Variants in ZBED4 observed in about 807,000 individuals in gnomAD.
The protein encoded by ZBED4 is zinc finger BED-type containing 4, also known as zinc finger BED domain-containing protein 4.
In ZBED4, 4 loss-of-function variants were observed where a neutral mutation model predicts 15.5. The ratio of observed to expected loss-of-function variants is 0.26; its 90% confidence interval spans 0.13 to 0.59. ZBED4 has a LOEUF of 0.59. Ranked by LOEUF, ZBED4 falls within the 20% of genes least tolerant of loss-of-function variation. The pLI, the probability that ZBED4 is intolerant of heterozygous loss-of-function variation, is 0.90. For synonymous variants in ZBED4, 692 were observed against 608.5 expected, an observed-to-expected ratio of 1.14 and a Z score of -2.02; for missense variants, 1,323 against 1,461.8, an observed-to-expected ratio of 0.91 and a Z score of 1.55.
intron 1 of ZBED4, among the ~76,000 whole-genome samples, chr22:49,873,681 C>T (rs542654554): frequency 1.4e-5 from 2 of 141,416 alleles, no homozygotes; most frequent in East Asian, 1.9e-4. Flanking sequence ...AAGCGAGGTG[C>T]GGTGATATGA....
intron 1 of ZBED4, among the ~76,000 whole-genome samples, chr22:49,854,289 G>A (rs924327775): frequency 1.3e-5 from 2 of 150,682 alleles, no homozygotes; most frequent in African/African-American, 4.9e-5. Flanking sequence ...CCGGGCGGAC[G>A]GGACGGGGCT....
In ZBED4 at chr22:49,886,120, G is replaced by T; in HGVS notation, c.2458G>T (p.Gly820Trp). 1 of 682,568 alleles carries T rather than the reference G, an allele frequency of 1.5e-6. No homozygotes were observed. Among genetic ancestry groups the T allele is most frequent in the Non-Finnish European group, 2.7e-6 (1 of 371,798 alleles). The allele number at this position is 682,568 out of a possible 1,614,324, so 42.3% of individuals were successfully genotyped here. Residue 820 changes from glycine (G) to tryptophan (W), a missense_variant, in exon 2 of 2, where the codon GGG becomes TGG. Coordinates refer to ENST00000216268, the MANE Select transcript of ZBED4 (RefSeq NM_014838.3). The surrounding 1 kb of genome is among the most constrained non-coding windows in gnomAD (Gnocchi z 7.7). ...NASIGKTLNE[G>W]EHSSVQCFSH... The stretch of plus-strand genomic sequence containing the variant: ...CAGCATCGGGAAGACGCTGAACGAG[G>T]GGGAGCACTCGAGCGTGCAGTGCTT...
intron 1 of ZBED4, among the ~76,000 whole-genome samples, chr22:49,857,741 G>A (rs974662023): frequency 6.6e-6 from 1 of 151,868 alleles, no homozygotes; most frequent in Admixed American, 6.6e-5. Flanking sequence ...ACAGGCACCC[G>A]CCACCGCACT....
At chr22:49,854,698 C>A (rs765381067) in intron 1 of ZBED4, among the ~76,000 whole-genome samples, 1 of 152,166 alleles carries the variant, frequency 6.6e-6, no homozygotes, top group Non-Finnish European at 1.5e-5. Flanking sequence ...CTCCCTTCTG[C>A]GCCTTTCTAT....
rs758905088 is a variant in ZBED4, at chr22:49,887,059, A to G, written c.3397A>G (p.Lys1133Glu). 1.2e-6 allele frequency: 2 copies of G among 1,614,164 alleles called. No homozygotes were observed. The highest frequency in any genetic ancestry group is 1.7e-6 in the Non-Finnish European group (2 of 1,180,032). Residue 1133 changes from lysine to glutamate, a missense_variant, in exon 2 of 2, where the codon AAG becomes GAG. Lys to Glu is a moderately conservative substitution (Grantham distance 56, BLOSUM62 1). This residue lies in a region of ZBED4 where 312 missense variants were observed against 410.7 expected (regional missense o/e 0.76). Transcript: ENST00000216268. Reference sequence around the variant, plus strand: ...CCCCCCAAGCATCGTCCCTTCAGAAAAGCTGTTCAACACACCCACTGAGAA... The same window carrying G: ...CCCCCCAAGCATCGTCCCTTCAGAAGAGCTGTTCAACACACCCACTGAGAA... ...GCPPSIVPSE[K>E]LFNTPTENGS...
At chr22:49,861,930 G>C (rs1034110677) in intron 1 of ZBED4, among the ~76,000 whole-genome samples, 1 of 152,280 alleles carries the variant, frequency 6.6e-6, no homozygotes, top group East Asian at 1.9e-4. Flanking sequence ...TGTAATTTTG[G>C]TGAGTGCTTC....
At chr22:49,857,747 G>A (rs1244892504) in intron 1 of ZBED4, among the ~76,000 whole-genome samples, 3 of 151,956 alleles carry the variant, frequency 2.0e-5, no homozygotes, top group African/African-American at 4.8e-5. Flanking sequence ...ACCCGCCACC[G>A]CACTCAGCTA....
At position 49,885,573 on chromosome 22, in the gene ZBED4, C is replaced by T. The variant is rs200730742; in HGVS notation, c.1911C>T (p.Gly637=). The change falls in exon 2 of 2, where the codon GGC becomes GGT. Residue 637 remains glycine (G), a synonymous_variant. Transcript: ENST00000216268. ...TGCCGCGGGGCACAGAATTATCAGG[C>T]GCTTCCTCTTTTGATGACACCAATG... The part of the protein sequence containing the change: ...TRVPRGTELS[G]ASSFDDTNEK... 13 of 1,603,160 alleles carry T rather than the reference C, an allele frequency of 8.1e-6. No homozygotes were observed. The East Asian group carries it at 1.1e-4, about 14-fold the overall frequency.
chr22:49,875,397 C>G (rs1203173694), intron 1 of ZBED4, among the ~76,000 whole-genome samples: 1 of 149,082 alleles, frequency 6.7e-6, no homozygotes, highest in Non-Finnish European at 1.5e-5. Context: ...TCCATTTCAT[C>G]TGAGTTGCAT....
rs748284131 is a variant in ZBED4, at chr22:49,885,396, G to A, written c.1734G>A (p.Val578=). The change falls in exon 2 of 2, where the codon GTG becomes GTA. Residue 578 remains valine, a synonymous_variant. Coordinates refer to ENST00000216268, the MANE Select transcript of ZBED4 (RefSeq NM_014838.3). ...SICSADSTKV[V]CLHCGRTISR... Reference sequence around the variant, plus strand: ...GCTCCGCAGACTCCACAAAAGTCGTGTGCTTGCACTGTGGCCGGACCATCA... The same window carrying A: ...GCTCCGCAGACTCCACAAAAGTCGTATGCTTGCACTGTGGCCGGACCATCA... The A allele has an allele frequency of 3.7e-6, 6 of 1,600,386 alleles. No individual in the cohort carries two copies. In the African/African-American group the frequency reaches 8.1e-5, roughly 22 times the overall value.
intron 1 of ZBED4, among the ~76,000 whole-genome samples, chr22:49,856,157 T>G (rs893012756): frequency 3.9e-5 from 6 of 152,224 alleles, no homozygotes; most frequent in African/African-American, 1.4e-4. Flanking sequence ...GCTTTTGTAG[T>G]TCAAATTCTG....
At chr22:49,880,375 A>G (rs1016120488) in intron 1 of ZBED4, among the ~76,000 whole-genome samples, 2 of 152,220 alleles carry the variant, frequency 1.3e-5, no homozygotes, top group Admixed American at 1.3e-4. Context: ...GAACCTCCGC[A>G]GGTCTGCGTA....
In ZBED4 at chr22:49,883,976, G is replaced by A; in HGVS notation, c.314G>A (p.Ser105Asn). The change falls in exon 2 of 2, where the codon AGC (serine) becomes AAC (asparagine). Residue 105 changes from serine (S) to asparagine (N), a missense_variant. Transcript: ENST00000216268. ...YDVAMEAVTQ[S>N]LLSSRNMSSR... ...GTGGCCATGGAGGCCGTGACCCAGA[G>A]CCTCCTTTCCAGCCGGAACATGAGC... is the stretch of plus-strand genomic sequence containing the variant. 1 of 1,613,484 alleles carries A rather than the reference G, an allele frequency of 6.2e-7. No individual in the cohort carries two copies. The highest frequency in any genetic ancestry group is 8.5e-7 in the Non-Finnish European group (1 of 1,179,828).
Position 49,885,945 on chromosome 22 carries a change from T to C in ZBED4, c.2283T>C (p.Cys761=). 1.3e-6 allele frequency: 1 copy of C among 763,714 alleles called. No homozygotes were observed. The highest frequency in any genetic ancestry group is 2.3e-6 in the Non-Finnish European group (1 of 432,164). The allele number at this position is 763,714 out of a possible 1,614,324, so 47.3% of individuals were successfully genotyped here. The part of the protein sequence containing the change: ...VSFESPARPR[C]DDHHCSALLD... Reference sequence around the variant, plus strand: ...TCGAGTCGCCAGCCCGGCCGCGCTGTGACGACCACCACTGCTCGGCGCTGT... The same window carrying C: ...TCGAGTCGCCAGCCCGGCCGCGCTGCGACGACCACCACTGCTCGGCGCTGT... Residue 761 remains cysteine (C), a synonymous_variant, in exon 2 of 2, where the codon TGT becomes TGC. Transcript: ENST00000216268.
In ZBED4 at chr22:49,883,538, A is replaced by G. The variant is rs2060420165; in HGVS notation, c.-125A>G. The G allele has an allele frequency of 3.0e-6, 4 of 1,317,028 alleles. No individual in the cohort carries two copies. Among genetic ancestry groups the G allele is most frequent in the Non-Finnish European group, 4.0e-6 (4 of 988,402 alleles). 81.6% of individuals were successfully genotyped at this position (1,317,028 alleles called of 1,614,324 possible). On this transcript the variant is annotated 5_prime_UTR_variant, in exon 2 of 2. Transcript: ENST00000216268. ...ACTATTTATGATTAGCCATATTTCT[A>G]GAAACATCCTGAAAGATGGAATTAT... is the stretch of plus-strand genomic sequence containing the variant.
At chr22:49,857,624 C>T (rs2060279915) in intron 1 of ZBED4, among the ~76,000 whole-genome samples, 1 of 152,232 alleles carries the variant, frequency 6.6e-6, no homozygotes, top group South Asian at 2.1e-4. Flanking sequence ...TTTATTCTCA[C>T]TCTGTCACTC....
intron 1 of ZBED4, among the ~76,000 whole-genome samples, chr22:49,864,146 G>C (rs2060309658): frequency 1.3e-5 from 2 of 152,228 alleles, no homozygotes; most frequent in South Asian, 4.1e-4. Flanking sequence ...CTAGGCCTCT[G>C]CTGGAGTGTG....
intron 1 of ZBED4, among the ~76,000 whole-genome samples, chr22:49,872,947 C>T (rs1279033884): frequency 2.0e-5 from 3 of 152,158 alleles, no homozygotes; most frequent in Non-Finnish European, 2.9e-5. Flanking sequence ...CCACCCGCCT[C>T]GGCCTCCCAA....
Position 49,885,834 on chromosome 22 carries a change from G to A in ZBED4, c.2172G>A (p.Glu724=), listed in dbSNP as rs1424219470. The A allele has an allele frequency of 1.3e-6, 2 of 1,539,714 alleles. No individual in the cohort carries two copies. ...QIIMSHLKEA[E]SGVIHFTSGI... is the part of the protein sequence containing the mutation. ...TTATGTCCCACCTTAAGGAAGCTGAGAGTGGTGTGATCCACTTCACGTCTG... is the reference window on the plus strand; with the variant it reads ...TTATGTCCCACCTTAAGGAAGCTGAAAGTGGTGTGATCCACTTCACGTCTG... Residue 724 remains glutamate (E), a synonymous_variant, in exon 2 of 2, where the codon GAG becomes GAA. Coordinates refer to ENST00000216268, the MANE Select transcript of ZBED4 (RefSeq NM_014838.3).
Sources: allele counts gnomAD v4.1 joint callset (sites outside exome capture counted in the v4.1 genomes callset), GRCh38; gene constraint gnomAD v4.1.1; regional missense constraint gnomAD v4.1.1; non-coding constraint Gnocchi (gnomAD v3.1); transcripts MANE v1.5; gene names NCBI Gene and HGNC (gene_info 2026-07-23, HGNC 2026-07-21).